PDZRN4: variants seen among roughly 807,000 people sequenced by gnomAD.
PDZRN4 encodes PDZ domain containing ring finger 4, also known as PDZ domain-containing RING finger protein 4.
A neutral mutation model predicts 99.0 loss-of-function variants in PDZRN4; 70 were observed. The ratio of observed to expected loss-of-function variants is 0.71; its 90% CI spans 0.58 to 0.86. The LOEUF (loss-of-function observed/expected upper bound fraction) is 0.86, where lower values mean the gene tolerates loss of function less well. PDZRN4 is among the 40% of genes least tolerant of loss of function. The pLI, the probability that PDZRN4 is intolerant of heterozygous loss-of-function variation, is 0.00. For missense variants in PDZRN4, 1,474 were observed against 1,331.2 expected, an observed-to-expected ratio of 1.11 and a Z score of -1.67; for synonymous variants, 551 against 501.6, an observed-to-expected ratio of 1.10 and a Z score of -1.32.
chr12:41,507,217 T>C (rs1005499985), intron 4 of PDZRN4, among the ~76,000 whole-genome samples: 1 of 152,102 alleles, frequency 6.6e-6, no homozygotes, highest in Non-Finnish European at 1.5e-5. Flanking sequence ...TTACCCAATA[T>C]ATTGAGATAT....
At chr12:41,357,849 G>A (rs1592026487) in intron 3 of PDZRN4, among the ~76,000 whole-genome samples, 1 of 151,878 alleles carries the variant, frequency 6.6e-6, no homozygotes, top group African/African-American at 2.4e-5. Context: ...ATTGTTCCTG[G>A]ATATCCCTCA....
chr12:41,423,839 G>GGATCAGTCATTTCAGGT (rs1952512108), intron 3 of PDZRN4, among the ~76,000 whole-genome samples: 1 of 152,124 alleles, frequency 6.6e-6, no homozygotes, highest in Non-Finnish European at 1.5e-5. Context: ...TAATATATGA[G>GGATCAGTCATTTCAGGT]GATCAGTCAT....
intron 5 of PDZRN4, among the ~76,000 whole-genome samples, chr12:41,549,231 G>A (rs1939013471): frequency 6.6e-6 from 1 of 152,108 alleles, no homozygotes; most frequent in Non-Finnish European, 1.5e-5. Flanking sequence ...AGTGACAGAG[G>A]GAAAGGTATG....
intron 5 of PDZRN4, among the ~76,000 whole-genome samples, chr12:41,543,722 T>C (rs1938900940): frequency 2.0e-5 from 3 of 152,218 alleles, no homozygotes; most frequent in Non-Finnish European, 4.4e-5. Flanking sequence ...CTACTCCTGA[T>C]CTACATTTTT....
chr12:41,252,523 G>C (rs938643410), intron 3 of PDZRN4, among the ~76,000 whole-genome samples: 2 of 152,136 alleles, frequency 1.3e-5, no homozygotes, highest in Non-Finnish European at 2.9e-5. Flanking sequence ...CGAAGCAGGG[G>C]GATCACAGGA....
chr12:41,366,693 G>A (rs1371838419), intron 3 of PDZRN4, among the ~76,000 whole-genome samples: 1 of 151,898 alleles, frequency 6.6e-6, no homozygotes, highest in Non-Finnish European at 1.5e-5. Context: ...GACAAAGAAA[G>A]GTAAATTCTA....
chr12:41,509,496 G>A (rs2608713), intron 4 of PDZRN4: 19,812 of 170,064 alleles, frequency 0.12, 1,217 homozygotes, highest in African/African-American at 0.15. Context: ...ACATTCAGTG[G>A]AATGGAAGCA....
At chr12:41,304,577 C>T (rs184499097) in intron 3 of PDZRN4, among the ~76,000 whole-genome samples, 116 of 152,280 alleles carry the variant, frequency 7.6e-4, no homozygotes, top group Middle Eastern at 3.4e-3. Context: ...ATTTCTTCAA[C>T]GCCTTCTTAA....
chr12:41,562,017 A>G (rs1463874842), intron 7 of PDZRN4, among the ~76,000 whole-genome samples: 1 of 152,054 alleles, frequency 6.6e-6, no homozygotes, highest in Non-Finnish European at 1.5e-5. Flanking sequence ...ACCGCAACAT[A>G]TCCTTCCCGG....
chr12:41,569,399 A>C (rs1939436662), intron 9 of PDZRN4, among the ~76,000 whole-genome samples: 1 of 147,912 alleles, frequency 6.8e-6, no homozygotes, highest in Non-Finnish European at 1.5e-5. Context: ...GGATTACAGG[A>C]TCCCACCACC....
chr12:41,466,950 G>A (rs1445674183), intron 3 of PDZRN4, among the ~76,000 whole-genome samples: 1 of 152,202 alleles, frequency 6.6e-6, no homozygotes, highest in Non-Finnish European at 1.5e-5. Context: ...TGCTTCGCCT[G>A]ATAAGGATAC....
At chr12:41,305,426 A>G (rs1262073737) in intron 3 of PDZRN4, among the ~76,000 whole-genome samples, 1 of 152,222 alleles carries the variant, frequency 6.6e-6, no homozygotes, top group Non-Finnish European at 1.5e-5. Flanking sequence ...TCGAGTGACT[A>G]TAATAAAATA....
rs1329118606 is a variant in PDZRN4, at chr12:41,344,370, A to G, written c.843+150182A>G. 8.5e-5 allele frequency among the ~76,000 whole-genome samples: 13 copies of G among 152,222 alleles called. No homozygotes were observed. The East Asian group carries it at 2.5e-3, about 29-fold the overall frequency. On this transcript the variant is annotated intron_variant, in intron 3 of 9. Coordinates refer to ENST00000402685, the MANE Select transcript of PDZRN4 (RefSeq NM_001164595.2). ...GACAACATATCGAATGGCATAGTGA[A>G]CTGATTTCATTGTGCCTCATGACCC...
intron 3 of PDZRN4, among the ~76,000 whole-genome samples, chr12:41,216,781 C>T (rs925235238): frequency 6.6e-6 from 1 of 151,890 alleles, no homozygotes; most frequent in Non-Finnish European, 1.5e-5. Context: ...TATCTGTCAT[C>T]CTTTCTTTTT....
intron 3 of PDZRN4, among the ~76,000 whole-genome samples, chr12:41,339,715 C>A (rs1232231300): frequency 6.6e-6 from 1 of 151,852 alleles, no homozygotes; most frequent in Non-Finnish European, 1.5e-5. Context: ...TGCACTCAAA[C>A]AACTCAATAG....
chr12:41,392,187 T>A (rs934663451), intron 3 of PDZRN4, among the ~76,000 whole-genome samples: 1 of 152,156 alleles, frequency 6.6e-6, no homozygotes, highest in African/African-American at 2.4e-5. Context: ...CTTTGGTTCC[T>A]GCTATTCAAG....
chr12:41,493,167 T>C (rs1163914359), intron 3 of PDZRN4, among the ~76,000 whole-genome samples: 1 of 152,206 alleles, frequency 6.6e-6, no homozygotes, highest in African/African-American at 2.4e-5. Context: ...TGAAGTTATC[T>C]CTGCAGTGTT....
intron 3 of PDZRN4, among the ~76,000 whole-genome samples, chr12:41,351,938 A>G (rs1448262063): frequency 6.6e-6 from 1 of 151,746 alleles, no homozygotes; most frequent in Non-Finnish European, 1.5e-5. Flanking sequence ...TGAGCTCAGG[A>G]GTGTGAGATC....
intron 3 of PDZRN4, among the ~76,000 whole-genome samples, chr12:41,401,111 T>C (rs1425889611): frequency 6.6e-6 from 1 of 152,200 alleles, no homozygotes; most frequent in Non-Finnish European, 1.5e-5. Flanking sequence ...TTACAGACAA[T>C]TGAAATTTTC....
Sources: allele counts gnomAD v4.1 joint callset (sites outside exome capture counted in the v4.1 genomes callset), GRCh38; gene constraint gnomAD v4.1.1; transcripts MANE v1.5; gene names NCBI Gene and HGNC (gene_info 2026-07-23, HGNC 2026-07-21).